Variants in SPTLC3 observed in about 807,000 individuals in gnomAD.
SPTLC3 encodes serine palmitoyltransferase 3.
SPTLC3 carries 36 observed loss-of-function variants against 59.3 expected under a neutral mutation model. That is an observed-to-expected ratio of 0.61 (90% confidence interval 0.47 to 0.80). The LOEUF is 0.80. Ranked by LOEUF, SPTLC3 falls within the 30% of genes least tolerant of loss-of-function variation. The pLI is 0.00. For synonymous variants in SPTLC3, 257 were observed against 240.8 expected (o/e 1.07, Z -0.62); for missense variants, 625 against 685.1 (o/e 0.91, Z 0.98).
chr20:13,053,419 T>C (rs1326786548), intron 2 of SPTLC3, among the ~76,000 whole-genome samples: 1 of 152,010 alleles, frequency 6.6e-6, no homozygotes, highest in African/African-American at 2.4e-5. Context: ...CAAAGGTCGA[T>C]AAATCCATGA....
chr20:13,018,799 T>C (rs1985700316), intron 1 of SPTLC3, among the ~76,000 whole-genome samples: 1 of 152,226 alleles, frequency 6.6e-6, no homozygotes, highest in African/African-American at 2.4e-5. Flanking sequence ...TTAGTAAATA[T>C]GGCTACCTTT....
intron 9 of SPTLC3, among the ~76,000 whole-genome samples, chr20:13,139,949 G>C (rs55714827): frequency 0.02 from 3,110 of 152,242 alleles, 52 homozygotes; most frequent in Non-Finnish European, 0.031. Context: ...ACTACTTCTA[G>C]TTTCTTTTTC....
At chr20:13,100,888 G>A (rs1989577281) in intron 6 of SPTLC3, among the ~76,000 whole-genome samples, 1 of 152,126 alleles carries the variant, frequency 6.6e-6, no homozygotes, top group Non-Finnish European at 1.5e-5. Flanking sequence ...TTTTGTCTTG[G>A]TTTGCTTCCC....
chr20:13,021,503 C>T (rs1028284207), intron 1 of SPTLC3, among the ~76,000 whole-genome samples: 13 of 151,904 alleles, frequency 8.6e-5, no homozygotes, highest in African/African-American at 3.1e-4. Context: ...CATTCCACAT[C>T]TGCTACTCAC....
chr20:13,061,118 G>T (rs1403289961), intron 2 of SPTLC3, among the ~76,000 whole-genome samples: 1 of 152,072 alleles, frequency 6.6e-6, no homozygotes, highest in African/African-American at 2.4e-5. Flanking sequence ...GCCAACATCT[G>T]TTATTGTTTT....
At chr20:13,016,185 GGAAGA>G (rs1385916034) in intron 1 of SPTLC3, among the ~76,000 whole-genome samples, 3 of 152,088 alleles carry the variant, frequency 2.0e-5, no homozygotes, top group Non-Finnish European at 2.9e-5. Flanking sequence ...GAGAAAGAAG[GGAAGA>G]GAAGTCAGAA....
rs139550240 is a variant in SPTLC3, at chr20:13,048,591, A to C, written c.118-354A>C. ...GGAGTGTAGAGTGGCTGCTTATTCC[A>C]ACATTTGTGATATAATTTGATCACC... On this transcript the variant is annotated intron_variant, in intron 1 of 11. Transcript: ENST00000399002. Among the ~76,000 whole-genome samples the C allele has an allele frequency of 6.7e-3, 1,026 of 152,222 alleles. 14 individuals are homozygous for C. Among genetic ancestry groups the C allele is most frequent in the African/African-American group, 0.023 (967 of 41,536 alleles).
intron 7 of SPTLC3, among the ~76,000 whole-genome samples, chr20:13,115,323 A>G (rs1362922785): frequency 3.9e-5 from 6 of 152,170 alleles, no homozygotes; most frequent in Non-Finnish European, 8.8e-5. Context: ...TGTGCCCTGC[A>G]TTAACTCCAA....
intron 1 of SPTLC3, among the ~76,000 whole-genome samples, chr20:13,040,420 G>T (rs550007289): frequency 7.9e-5 from 12 of 151,566 alleles, no homozygotes; most frequent in African/African-American, 2.2e-4. Flanking sequence ...GTGCAGTGGC[G>T]CAATCTCGGC....
chr20:13,139,787 A>G (rs1167352981), intron 9 of SPTLC3, among the ~76,000 whole-genome samples: 1 of 152,144 alleles, frequency 6.6e-6, no homozygotes, highest in Non-Finnish European at 1.5e-5. Context: ...TTCTTTCCAA[A>G]TGCTCTCCTA....
intron 11 of SPTLC3, among the ~76,000 whole-genome samples, chr20:13,161,111 A>G (rs1568634851): frequency 6.6e-6 from 1 of 152,270 alleles, no homozygotes; most frequent in African/African-American, 2.4e-5. Flanking sequence ...TAATCCATGA[A>G]CAAATATTAC....
chr20:13,155,211 C>G (rs1480936737), intron 10 of SPTLC3, among the ~76,000 whole-genome samples: 1 of 152,080 alleles, frequency 6.6e-6, no homozygotes, highest in Non-Finnish European at 1.5e-5. Flanking sequence ...GTTAACTAAG[C>G]TCCTTTCTCA....
At chr20:13,042,021 C>T (rs780024956) in intron 1 of SPTLC3, among the ~76,000 whole-genome samples, 2 of 152,194 alleles carry the variant, frequency 1.3e-5, no homozygotes, top group African/African-American at 4.8e-5. Context: ...TTGGTTTTGA[C>T]AGTGCCCTGC....
At chr20:13,110,580 T>C (rs959071124) in intron 7 of SPTLC3, among the ~76,000 whole-genome samples, 8 of 152,264 alleles carry the variant, frequency 5.3e-5, no homozygotes, top group Non-Finnish European at 1.2e-4. Context: ...TTATGACTGG[T>C]AGAAATTGTT....
rs527601334 is a variant in SPTLC3, at chr20:13,009,477, C to T, written c.117+93C>T. On this transcript the variant is annotated intron_variant, in intron 1 of 11. Transcript: ENST00000399002. ...TTTGAGGCTGTCCTAACTTAGAGTT[C>T]ATCTTATGAAGGGTTTTTACATGTT... 18 of 1,171,472 alleles carry T rather than the reference C, an allele frequency of 1.5e-5. No individual in the cohort carries two copies. The East Asian group carries it at 3.6e-4, about 23-fold the overall frequency. 72.6% of individuals were successfully genotyped at this position (1,171,472 alleles called of 1,614,324 possible).
intron 2 of SPTLC3, among the ~76,000 whole-genome samples, chr20:13,059,312 A>G (rs148294045): frequency 6.6e-6 from 1 of 152,206 alleles, no homozygotes; most frequent in Non-Finnish European, 1.5e-5. Context: ...TTTCACTGTT[A>G]CGTCGCTAGT....
At chr20:13,085,942 A>G in intron 4 of SPTLC3, among the ~76,000 whole-genome samples, 1 of 152,184 alleles carries the variant, frequency 6.6e-6, no homozygotes, top group East Asian at 1.9e-4. Context: ...GACCACCAGG[A>G]CAAAAATAAG....
At position 13,025,492 on chromosome 20, in the gene SPTLC3, G is replaced by A. The variant is rs114619241; in HGVS notation, c.117+16108G>A. On this transcript the variant is annotated intron_variant, in intron 1 of 11. Coordinates refer to ENST00000399002, the MANE Select transcript of SPTLC3 (RefSeq NM_018327.4). ...CTCTGTGCCTCAGTTTTCTCACCTG[G>A]TAAATGAGGTGAATAGTAGTGCCTA... Among the ~76,000 whole-genome samples the A allele has an allele frequency of 4.2e-3, 647 of 152,252 alleles. 8 individuals are homozygous for A. The highest frequency in any genetic ancestry group is 0.015 in the African/African-American group (622 of 41,546).
intron 3 of SPTLC3, chr20:13,073,695 C>T (rs1039637912): frequency 5.1e-6 from 2 of 395,994 alleles, no homozygotes; most frequent in Admixed American, 3.8e-5. Context: ...TCTGCTTGTT[C>T]ATTGCTGCAG....
Sources: gnomAD v4.1 joint callset for allele counts (sites outside exome capture counted in the v4.1 genomes callset) on GRCh38, gnomAD v4.1.1 for gene constraint, MANE v1.5 for transcripts, NCBI Gene and HGNC (gene_info 2026-07-23, HGNC 2026-07-21) for gene names.